Variants in MRS2 observed in about 807,000 individuals in gnomAD.
The protein encoded by MRS2 is magnesium transporter MRS2 homolog, mitochondrial.
Under a neutral mutation model 52.6 loss-of-function variants are expected in MRS2, and 40 were observed. The ratio of observed to expected loss-of-function variants is 0.76; its 90% CI spans 0.59 to 0.99. MRS2 has a LOEUF of 0.99. Among genes scored for constraint, MRS2 ranks in the 50% least tolerant of loss-of-function variants. The probability of loss-of-function intolerance (pLI) is 0.00; values close to 1 mark genes in which losing one functional copy is unlikely to be tolerated. For synonymous variants in MRS2, 193 were observed against 195.9 expected (o/e 0.98, Z 0.13); for missense variants, 472 against 532.7 (o/e 0.89, Z 1.12).
intron 7 of MRS2, among the ~76,000 whole-genome samples, chr6:24,417,026 G>C (rs1023673340): frequency 1.3e-5 from 2 of 152,104 alleles, no homozygotes; most frequent in Non-Finnish European, 2.9e-5. Context: ...TTTTGTTATT[G>C]TCTTTCTAGA....
intron 9 of MRS2, among the ~76,000 whole-genome samples, chr6:24,420,208 TC>T (rs554744214): frequency 2.6e-4 from 40 of 152,256 alleles, no homozygotes; most frequent in African/African-American, 8.7e-4. Flanking sequence ...TCCCCTCAGA[TC>T]CCCGTTTTGC....
intron 8 of MRS2, 26 bp downstream of exon 8, chr6:24,418,262 GT>G: frequency 2.6e-6 from 4 of 1,522,586 alleles, no homozygotes; most frequent in Non-Finnish European, 2.6e-6. Context: ...ATAAAACTAA[GT>G]TTTTTTAATA....
intron 1 of MRS2, among the ~76,000 whole-genome samples, chr6:24,404,043 A>G (rs1761377373): frequency 6.6e-6 from 1 of 151,654 alleles, no homozygotes; most frequent in Admixed American, 6.5e-5. Context: ...TTTGAGGAAT[A>G]AAAGGTATTG....
chr6:24,423,268 C>A (rs1391791792), intron 10 of MRS2: 3 of 506,300 alleles, frequency 5.9e-6, no homozygotes, highest in Non-Finnish European at 1.0e-5. Context: ...CTTACTAGCA[C>A]ACTGCCTAAC....
intron 3 of MRS2, 31 bp from the exon 4 acceptor site, chr6:24,409,430 G>A (rs769398244): frequency 1.1e-5 from 15 of 1,371,952 alleles, no homozygotes; most frequent in Non-Finnish European, 1.4e-5. Flanking sequence ...AATGTATTTG[G>A]TTTAGCCCTC....
chr6:24,420,696 G>A (rs1377268928), intron 9 of MRS2, among the ~76,000 whole-genome samples: 2 of 152,150 alleles, frequency 1.3e-5, no homozygotes, highest in Non-Finnish European at 2.9e-5. Flanking sequence ...GGGTGGTCAA[G>A]GAAGATGTAA....
In MRS2 at chr6:24,405,344, AATC is replaced by A; in HGVS notation, c.264+109_264+111del. 4.8e-6 allele frequency: 4 copies of A among 833,252 alleles called. 1 individual carries two copies. Among genetic ancestry groups the A allele is most frequent in the South Asian group, 2.9e-5 (2 of 67,986 alleles). 51.6% of individuals were successfully genotyped at this position (833,252 alleles called of 1,614,324 possible). ...AGATACTACTTATTTTGAGCTTTAT[AATC>A]ATCATAGCTACATGTCGTGGCTGTT... is the stretch of plus-strand genomic sequence containing the variant. On this transcript the variant is annotated intron_variant, in intron 2 of 10. Coordinates refer to ENST00000378386, the MANE Select transcript of MRS2 (RefSeq NM_020662.4).
chr6:24,415,252 G>C, intron 6 of MRS2, 89 bp downstream of exon 6: 1 of 1,366,348 alleles, frequency 7.3e-7, no homozygotes, highest in South Asian at 1.6e-5. Flanking sequence ...TTTTTTTAAA[G>C]TATGAAAGTA....
chr6:24,423,468 A>T, intron 10 of MRS2, 116 bp from the exon 11 acceptor site: 1 of 543,012 alleles, frequency 1.8e-6, no homozygotes, highest in Non-Finnish European at 3.3e-6. Context: ...ATAAATACTT[A>T]AGACACTGAT....
chr6:24,410,732 T>C, intron 4 of MRS2: 1 of 1,529,470 alleles, frequency 6.5e-7, no homozygotes, highest in South Asian at 1.2e-5. Flanking sequence ...TTCAGAAATA[T>C]TCTCTACTCT....
At chr6:24,416,279 C>G (rs1185249395) in intron 6 of MRS2, 118 bp from the exon 7 acceptor site, 2 of 451,912 alleles carry the variant, frequency 4.4e-6, no homozygotes, top group Non-Finnish European at 4.0e-6. Flanking sequence ...TTAAATAAGT[C>G]ATTGTTTAGC....
At chr6:24,422,874 A>G (rs531722437) in intron 9 of MRS2, 63 bp from the exon 10 acceptor site, 19 of 1,128,648 alleles carry the variant, frequency 1.7e-5, no homozygotes, top group Non-Finnish European at 2.5e-5. Context: ...GGCAGTAACA[A>G]TTCAAGGAAT....
intron 6 of MRS2, 59 bp from the exon 7 acceptor site, chr6:24,416,338 T>G: frequency 2.7e-6 from 2 of 737,130 alleles, no homozygotes; most frequent in Non-Finnish European, 4.8e-6. Context: ...AAAACACTAT[T>G]ATGAAATGTT....
chr6:24,423,247 T>C, intron 10 of MRS2, 197 bp downstream of exon 10: 1 of 548,930 alleles, frequency 1.8e-6, no homozygotes, highest in Admixed American at 3.3e-5. Flanking sequence ...TTAAACAATA[T>C]GTGTAAAGCA....
chr6:24,406,618 C>T (rs1450356215), intron 2 of MRS2, among the ~76,000 whole-genome samples: 1 of 151,686 alleles, frequency 6.6e-6, no homozygotes, highest in Non-Finnish European at 1.5e-5. Flanking sequence ...TACTAAAAAA[C>T]AAAAAAATTA....
chr6:24,412,435 T>G, intron 5 of MRS2, 40 bp downstream of exon 5: 1 of 1,440,048 alleles, frequency 6.9e-7, no homozygotes, highest in Non-Finnish European at 9.3e-7. Flanking sequence ...TTTATTCTGA[T>G]TTTGAAATGT....
intron 1 of MRS2, among the ~76,000 whole-genome samples, chr6:24,404,584 C>T (rs1761399553): frequency 6.6e-6 from 1 of 152,114 alleles, no homozygotes; most frequent in Non-Finnish European, 1.5e-5. Context: ...TCGACTCAGT[C>T]TAATCACGTT....
intron 5 of MRS2, 150 bp downstream of exon 5, chr6:24,412,545 T>C (rs1210693183): frequency 2.0e-6 from 1 of 496,760 alleles, no homozygotes; most frequent in African/African-American, 2.0e-5. Context: ...TACATGGAGA[T>C]ATCACTTAAT....
At chr6:24,418,871 C>A in intron 9 of MRS2, 1 of 231,594 alleles carries the variant, frequency 4.3e-6, no homozygotes, top group Non-Finnish European at 8.7e-6. Flanking sequence ...TGCACTCCAG[C>A]CTGGGAGACA....
Sources: allele counts gnomAD v4.1 joint callset (sites outside exome capture counted in the v4.1 genomes callset), GRCh38; gene constraint gnomAD v4.1.1; transcripts MANE v1.5; gene names NCBI Gene and HGNC (gene_info 2026-07-23, HGNC 2026-07-21).